The following SWI5 variants were observed in gnomAD, a reference collection of about 807,000 sequenced individuals.
The protein encoded by SWI5 is SWI5 homologous recombination repair protein, also known as DNA repair protein SWI5 homolog.
In SWI5, 12 loss-of-function variants were observed where a neutral mutation model predicts 17.0. That is an observed-to-expected ratio of 0.71 (90% CI 0.45 to 1.14). The LOEUF (loss-of-function observed/expected upper bound fraction) is 1.14, where lower values mean the gene tolerates loss of function less well. SWI5 is among the 50% of genes most tolerant of loss of function. The pLI, the probability that SWI5 is intolerant of heterozygous loss-of-function variation, is 0.00. For synonymous variants in SWI5, 61 were observed against 64.0 expected (o/e 0.95, Z 0.22); for missense variants, 158 against 162.2 (o/e 0.97, Z 0.14).
rs527573770 is a variant in SWI5 at position 128,276,611 on chromosome 9, A to C, written c.63-96A>C. ...GATGGATCCAGTCCCTGGCGCTCCT[A>C]CTTCCCAACTGCTCCTCCTCCCGCA... On this transcript the variant is annotated intron_variant, in intron 1 of 4. Coordinates refer to ENST00000418976, the Ensembl canonical transcript of SWI5. 3.7e-6 allele frequency: 6 copies of C among 1,610,584 alleles called. No individual in the cohort carries two copies. The East Asian group carries it at 1.3e-4, about 36-fold the overall frequency.
intron 3 of SWI5, among the ~76,000 whole-genome samples, chr9:128,284,956 T>TAAAAAA (rs570065202): frequency 2.4e-5 from 2 of 84,970 alleles, no homozygotes; most frequent in Non-Finnish European, 4.3e-5. Context: ...AATCTGTCTT[T>TAAAAAA]AAAAAAAAAA....
At chr9:128,276,879 T>G (rs1831407622) in intron 2 of SWI5, 124 bp downstream of exon 2, 1 of 1,029,122 alleles carries the variant, frequency 9.7e-7, no homozygotes, top group Non-Finnish European at 1.4e-6. Flanking sequence ...CTTCTCCCAG[T>G]CGACTGAGAA....
At position 128,285,502 on chromosome 9, in the gene SWI5, C is replaced by T. The variant is rs548343287; in HGVS notation, c.234-437C>T. On this transcript the variant is annotated intron_variant, in intron 3 of 4. Transcript: ENST00000418976. The surrounding 1 kb of genome is among the most constrained non-coding windows in gnomAD (Gnocchi z 4.8). ...CTGCACAGACTCCATTCTCTCCCTG[C>T]AGGTGGAGTTTTCAGTGTGTAGGGA... 6.6e-5 allele frequency among the ~76,000 whole-genome samples: 10 copies of T among 152,330 alleles called. No individual in the cohort carries two copies. In the East Asian group the frequency reaches 1.9e-3, roughly 29 times the overall value.
In SWI5 at chr9:128,288,762, G is replaced by A. The variant is rs766891150; in HGVS notation, c.*46G>A. ...CCACAGCTCCCAGGGACAGAAGGGT[G>A]TGGACATGATAAACACTGAGAGCCC... On this transcript the variant is annotated 3_prime_UTR_variant, in exon 5 of 5. Transcript: ENST00000418976. 1.2e-5 allele frequency: 19 copies of A among 1,605,532 alleles called. No individual in the cohort carries two copies. The Admixed American group carries it at 2.5e-4, about 21-fold the overall frequency.
chr9:128,275,865 C>T (rs755320752), upstream of SWI5: 3 of 1,257,446 alleles, frequency 2.4e-6, no homozygotes, highest in Admixed American at 2.1e-5. Flanking sequence ...GGGGCTGGGT[C>T]GGGGGGCCGC....
chr9:128,278,819 C>T (rs1175971726), intron 2 of SWI5: 1 of 378,724 alleles, frequency 2.6e-6, no homozygotes. Context: ...GTCGCCCAGG[C>T]TGGAATGCAA....
intron 2 of SWI5, among the ~76,000 whole-genome samples, chr9:128,277,948 CTTTTTTTTTTTT>C (rs71381748): frequency 1.2e-5 from 1 of 80,862 alleles, no homozygotes; most frequent in Non-Finnish European, 2.6e-5. Context: ...CATTCCTTCT[CTTTTTTTTTTTT>C]TTTTTTTTTT....
chr9:128,276,755 TGTGA>T lies in SWI5; in HGVS notation c.111+3_111+6del. 2 of 1,609,222 alleles carry T rather than the reference TGTGA, an allele frequency of 1.2e-6. No individual in the cohort carries two copies. The highest frequency in any genetic ancestry group is 1.7e-6 in the Non-Finnish European group (2 of 1,176,762). On this transcript the variant is annotated splice_donor_variant and splice_donor_region_variant and intron_variant, in intron 2 of 4. Coordinates refer to ENST00000418976, the Ensembl canonical transcript of SWI5. LOFTEE classifies it high-confidence loss of function. ...GTTGCCGCGGGGCCTTCCGATCCCC[TGTGA>T]GTATTTCTTCCCCCACACCCCCTTT... is the stretch of plus-strand genomic sequence containing the variant.
exon 5 of SWI5, chr9:128,288,860 G>T: frequency 1.2e-6 from 1 of 867,294 alleles, no homozygotes. Context: ...AGCCCAATCA[G>T]GAGGAGGCTA....
At chr9:128,287,066 G>A (rs149791777) in intron 4 of SWI5, among the ~76,000 whole-genome samples, 3,071 of 149,492 alleles carry the variant, frequency 0.021, 81 homozygotes, top group African/African-American at 0.072. Context: ...GCTTGAACCC[G>A]GGAGGCAGAG....
upstream of SWI5, chr9:128,275,512 G>A (rs1588496693): frequency 7.6e-7 from 1 of 1,308,870 alleles, no homozygotes; most frequent in African/African-American, 1.5e-5. Context: ...GGTCGAGTCT[G>A]GAGCGGGGGG....
At position 128,285,116 on chromosome 9, in the gene SWI5, G is replaced by A. The variant is rs1831614697; in HGVS notation, c.233+485G>A. On this transcript the variant is annotated intron_variant, in intron 3 of 4. Transcript: ENST00000418976. This position sits in a 1 kb window ranked among gnomAD's most constrained non-coding sequence, Gnocchi z 4.8. ...TGGCAGGCAGAGGTTGCAGTGAGGC[G>A]AGATCGCGCCACTGCACTCCAGCCT... Among the ~76,000 whole-genome samples, 2 of 152,024 alleles carry A rather than the reference G, an allele frequency of 1.3e-5. No individual in the cohort carries two copies. The highest frequency in any genetic ancestry group is 6.6e-5 in the Admixed American group (1 of 15,240).
At chr9:128,288,494 C>T (rs1025186065) in intron 4 of SWI5, among the ~76,000 whole-genome samples, 158 bp from the exon 5 acceptor site, 2 of 152,162 alleles carry the variant, frequency 1.3e-5, no homozygotes, top group Non-Finnish European at 2.9e-5. Flanking sequence ...TAGCAGGGAG[C>T]TTACCTTGGC....
exon 3 of SWI5, chr9:128,284,594 G>A: frequency 6.2e-7 from 1 of 1,613,956 alleles, no homozygotes; most frequent in Non-Finnish European, 8.5e-7. Context: ...GGAGAAGAGG[G>A]ACATGCTGGA....
At chr9:128,279,441 G>C (rs1290057886) in intron 2 of SWI5, among the ~76,000 whole-genome samples, 2 of 152,150 alleles carry the variant, frequency 1.3e-5, no homozygotes, top group South Asian at 4.1e-4. Context: ...AAGGTGAGTC[G>C]TCCAAGTGAT....
chr9:128,276,020 C>T, upstream of SWI5: 1 of 1,590,318 alleles, frequency 6.3e-7, no homozygotes, highest in Non-Finnish European at 8.6e-7. Flanking sequence ...TCAGCCACCG[C>T]GCAGCTGTGC....
chr9:128,276,418 A>G lies in SWI5; in HGVS notation c.62+16A>G. ...GGCTCAGGAGGTGGGCGAGGAACGG[A>G]CTCCACAGTTTCTTTCCTGACTCCT... On this transcript the variant is annotated intron_variant, in intron 1 of 4. Transcript: ENST00000418976. The G allele has an allele frequency of 1.2e-6, 2 of 1,609,796 alleles. No individual in the cohort carries two copies. The highest frequency in any genetic ancestry group is 1.7e-6 in the Non-Finnish European group (2 of 1,178,004).
At chr9:128,276,045 A>C (rs146186513), upstream of SWI5, 6 of 1,585,896 alleles carry the variant, frequency 3.8e-6, no homozygotes, top group South Asian at 1.1e-5. Flanking sequence ...GAGCCAGAGG[A>C]GGCGTAACCA....
At chr9:128,286,592 C>T (rs1215959771) in intron 4 of SWI5, 2 of 152,996 alleles carry the variant, frequency 1.3e-5, no homozygotes, top group Admixed American at 1.3e-4. Context: ...CTCTGATGTT[C>T]AGCAGCCAGT....
Sources: gnomAD v4.1 joint callset for allele counts (sites outside exome capture counted in the v4.1 genomes callset) on GRCh38, gnomAD v4.1.1 for gene constraint, Gnocchi (gnomAD v3.1) non-coding constraint, MANE v1.5 for transcripts, NCBI Gene and HGNC (gene_info 2026-07-23, HGNC 2026-07-21) for gene names.